YARS1: variants seen among roughly 807,000 people sequenced by gnomAD.
YARS1 encodes the protein tyrosyl-tRNA synthetase 1.
Under a neutral mutation model 62.2 loss-of-function variants are expected in YARS1, and 36 were observed. That is an observed-to-expected ratio of 0.58 (90% CI 0.44 to 0.76). YARS1 has a LOEUF of 0.76. YARS1 is among the 30% of genes least tolerant of loss of function. YARS1 has a pLI of 0.00. For missense variants in YARS1, 524 were observed against 639.8 expected (o/e 0.82, Z 1.95); for synonymous variants, 234 against 244.9 (o/e 0.96, Z 0.42).
intron 1 of YARS1, among the ~76,000 whole-genome samples, chr1:32,812,985 A>AAC (rs1415663203): frequency 6.6e-6 from 1 of 151,792 alleles, no homozygotes; most frequent in Admixed American, 6.6e-5. Flanking sequence ...AAAAAAAAAA[A>AAC]AAACCTTGGC....
At chr1:32,781,626 T>C (rs555926757) in intron 9 of YARS1, 1 of 177,214 alleles carries the variant, frequency 5.6e-6, no homozygotes, top group East Asian at 1.5e-4. Flanking sequence ...AAGCTATCAA[T>C]GCCAATATCT....
In YARS1 at chr1:32,815,976, G is replaced by A. The variant is rs192186624; in HGVS notation, c.57+1212C>T. Among the ~76,000 whole-genome samples, 305 of 152,126 alleles carry A rather than the reference G, an allele frequency of 2.0e-3. 3 individuals are homozygous for A. Among genetic ancestry groups the A allele is most frequent in the African/African-American group, 6.0e-3 (250 of 41,494 alleles). On this transcript the variant is annotated intron_variant, in intron 1 of 12. Transcript: ENST00000373477. ...TACAAAAAATTAGCCGGGCGTGGGGGCGGTCACCTGTAGTCCCAGCTACTC... is the reference window on the plus strand; with the variant it reads ...TACAAAAAATTAGCCGGGCGTGGGGACGGTCACCTGTAGTCCCAGCTACTC...
chr1:32,798,725 G>A (rs1392717908), intron 4 of YARS1, among the ~76,000 whole-genome samples: 1 of 152,212 alleles, frequency 6.6e-6, no homozygotes, highest in Non-Finnish European at 1.5e-5. Context: ...AGGAGGCTGA[G>A]GTAGGAGGAT....
chr1:32,817,094 G>A, intron 1 of YARS1, 94 bp downstream of exon 1: 1 of 1,512,028 alleles, frequency 6.6e-7, no homozygotes, highest in Admixed American at 1.7e-5. Context: ...CGAGTCCCCG[G>A]CCCCACATAC....
At chr1:32,803,143 CG>C (rs1320071054) in intron 4 of YARS1, among the ~76,000 whole-genome samples, 1 of 151,788 alleles carries the variant, frequency 6.6e-6, no homozygotes, top group Non-Finnish European at 1.5e-5. Context: ...CCACCATGCC[CG>C]GCTAATTAAT....
In YARS1 at chr1:32,775,814, G is replaced by C; in HGVS notation, c.*167C>G. 1.5e-6 allele frequency: 1 copy of C among 665,094 alleles called. No homozygotes were observed. Among genetic ancestry groups the C allele is most frequent in the East Asian group, 2.7e-5 (1 of 36,578 alleles). 41.2% of individuals were successfully genotyped at this position (665,094 alleles called of 1,614,324 possible). ...ACTGCAGCCAGACAGGATGATCCTGGGTTCTGGGGAGGGTAAGCTGCCCCT... is the reference window on the plus strand; with the variant it reads ...ACTGCAGCCAGACAGGATGATCCTGCGTTCTGGGGAGGGTAAGCTGCCCCT... On this transcript the variant is annotated 3_prime_UTR_variant, in exon 13 of 13. Coordinates refer to ENST00000373477, the MANE Select transcript of YARS1 (RefSeq NM_003680.4).
At chr1:32,796,197 A>G (rs995744370) in intron 5 of YARS1, among the ~76,000 whole-genome samples, 1 of 151,948 alleles carries the variant, frequency 6.6e-6, no homozygotes, top group Non-Finnish European at 1.5e-5. Context: ...TGGGAGGCTG[A>G]GGCAAAGAGA....
intron 4 of YARS1, among the ~76,000 whole-genome samples, chr1:32,802,102 T>C (rs1042785476): frequency 1.3e-5 from 2 of 151,756 alleles, no homozygotes; most frequent in Non-Finnish European, 2.9e-5. Flanking sequence ...CGCCCGCCAC[T>C]ACGCCCGGCT....
chr1:32,795,545 G>A (rs545454451), intron 5 of YARS1, among the ~76,000 whole-genome samples: 4 of 152,186 alleles, frequency 2.6e-5, no homozygotes, highest in Admixed American at 2.0e-4. Flanking sequence ...AGTGGCTCAC[G>A]TCTGTAATCC....
chr1:32,810,137 T>C (rs1298387892), intron 3 of YARS1, among the ~76,000 whole-genome samples: 1 of 151,038 alleles, frequency 6.6e-6, no homozygotes, highest in African/African-American at 2.4e-5. Flanking sequence ...AGTTAAACAT[T>C]AGGACACGAA....
chr1:32,817,204 A>G lies in YARS1; in HGVS notation c.41T>C (p.Ile14Thr), dbSNP rs1553127237. The G allele has an allele frequency of 3.7e-6, 6 of 1,614,152 alleles. No homozygotes were observed. Among genetic ancestry groups the G allele is most frequent in the Non-Finnish European group, 4.2e-6 (5 of 1,180,016 alleles). The change falls in exon 1 of 13, where the codon ATC (isoleucine) becomes ACC (threonine). Residue 14 changes from isoleucine to threonine, a missense_variant. Physicochemically the swap from Ile to Thr is moderately conservative, Grantham distance 89. Coordinates refer to ENST00000373477, the MANE Select transcript of YARS1 (RefSeq NM_003680.4). ...APSPEEKLHL[I>T]TRNLQEVLGE... ...AGGCCTGACCTGCAGGTTCCGGGTG[A>G]TAAGGTGCAGTTTCTCTTCAGGGCT...
chr1:32,791,163 T>C lies in YARS1; in HGVS notation c.683A>G (p.Glu228Gly). 1 of 1,613,910 alleles carries C rather than the reference T, an allele frequency of 6.2e-7. No individual in the cohort carries two copies. The highest frequency in any genetic ancestry group is 8.5e-7 in the Non-Finnish European group (1 of 1,179,828). Reference protein sequence around the residue: ...LTGSKMSSSEEESKIDLLDRK... With the variant: ...LTGSKMSSSEGESKIDLLDRK... ...TTCAAGTCTCAGCTGGCAACTTACC[T>C]CTTCTGAAGAGCTCATTTTGCTGCC... Residue 228 changes from glutamate (E) to glycine (G), a missense_variant and splice_region_variant, in exon 6 of 13, where the codon GAG becomes GGG. By Grantham distance (98) the Glu-to-Gly change is moderately conservative (BLOSUM62 -2). Coordinates refer to ENST00000373477, the MANE Select transcript of YARS1 (RefSeq NM_003680.4).
At chr1:32,797,241 A>G (rs907522605) in intron 5 of YARS1, among the ~76,000 whole-genome samples, 15 of 150,918 alleles carry the variant, frequency 9.9e-5, no homozygotes, top group African/African-American at 3.4e-4. Context: ...GTGTTGTGGC[A>G]TGCACCTGTG....
rs1652943364 is a variant in YARS1, at chr1:32,778,564, G to A, written c.1476+818C>T. 2.6e-5 allele frequency among the ~76,000 whole-genome samples: 4 copies of A among 151,390 alleles called. No homozygotes were observed. The South Asian group carries it at 6.3e-4, about 24-fold the overall frequency. On this transcript the variant is annotated intron_variant, in intron 12 of 12. Transcript: ENST00000373477. ...TGGGACTACAGGTGTCTGCCACCGC[G>A]CCCGGCCGATTTTTTTCTATTTTTA... is the stretch of plus-strand genomic sequence containing the variant.
intron 5 of YARS1, 31 bp from the exon 6 acceptor site, chr1:32,791,285 A>G (rs537671427): frequency 3.2e-5 from 51 of 1,574,912 alleles, no homozygotes; most frequent in African/African-American, 1.1e-4. Context: ...ACAAAAGCCG[A>G]TATTAGTCTA....
chr1:32,800,527 T>G (rs184616549), intron 4 of YARS1, among the ~76,000 whole-genome samples: 1 of 151,960 alleles, frequency 6.6e-6, no homozygotes, highest in African/African-American at 2.4e-5. Flanking sequence ...AAAAGTGAAG[T>G]CTATCCATAT....
chr1:32,805,697 C>T (rs530745537), intron 4 of YARS1, among the ~76,000 whole-genome samples: 40 of 152,238 alleles, frequency 2.6e-4, no homozygotes, highest in African/African-American at 9.1e-4. Context: ...CACGGTAGCT[C>T]ACGTCTATAA....
chr1:32,797,329 A>T (rs1653637222), intron 5 of YARS1, among the ~76,000 whole-genome samples: 1 of 151,900 alleles, frequency 6.6e-6, no homozygotes, highest in South Asian at 2.1e-4. Flanking sequence ...CCATGACCGC[A>T]TTACTGCACT....
At chr1:32,811,494 C>T (rs1638585372) in intron 1 of YARS1, 3 of 266,400 alleles carry the variant, frequency 1.1e-5, no homozygotes, top group South Asian at 8.7e-5. Context: ...GCGTCTATCA[C>T]CTTGTGATGG....
Sources: gnomAD v4.1 joint callset for allele counts (sites outside exome capture counted in the v4.1 genomes callset) on GRCh38, gnomAD v4.1.1 for gene constraint, MANE v1.5 for transcripts, NCBI Gene and HGNC (gene_info 2026-07-23, HGNC 2026-07-21) for gene names.